TTLL1: variants seen among roughly 807,000 people sequenced by gnomAD.
TTLL1 encodes the protein TTL family tubulin polyglutamylase complex subunit L1, also known as polyglutamylase complex subunit TTLL1.
Under a neutral mutation model 47.8 loss-of-function variants are expected in TTLL1, and 33 were observed. That is an observed-to-expected ratio of 0.69 (90% CI 0.52 to 0.92). TTLL1 has a LOEUF of 0.92. TTLL1 is among the 40% of genes least tolerant of loss of function. TTLL1 has a pLI of 0.00. For synonymous variants in TTLL1, 225 were observed against 214.1 expected (o/e 1.05, Z -0.45); for missense variants, 488 against 547.5 (o/e 0.89, Z 1.08).
At chr22:43,054,608 G>C (rs1348193848) in intron 8 of TTLL1, among the ~76,000 whole-genome samples, 3 of 151,720 alleles carry the variant, frequency 2.0e-5, no homozygotes, top group African/African-American at 7.3e-5. Context: ...ATTTTTAGTA[G>C]AGATAGGATT....
chr22:43,069,675 G>A lies in TTLL1; in HGVS notation c.283C>T (p.Leu95=). 1.9e-6 allele frequency: 3 copies of A among 1,614,206 alleles called. No individual in the cohort carries two copies. Among genetic ancestry groups the A allele is most frequent in the Non-Finnish European group, 2.5e-6 (3 of 1,180,046 alleles). The change falls in exon 4 of 11, where the codon CTG becomes TTG. Residue 95 remains leucine, a synonymous_variant. Coordinates refer to ENST00000266254, the MANE Select transcript of TTLL1 (RefSeq NM_012263.5). ...RKELEKEGSP[L]AEKDENGKYL... ...TTTCCATTTTCATCTTTTTCTGCCA[G>A]AGGACTCCCTTCTTTCTCCAGCTCC...
At chr22:43,082,975 T>C (rs1049841312) in intron 1 of TTLL1, among the ~76,000 whole-genome samples, 5 of 150,526 alleles carry the variant, frequency 3.3e-5, no homozygotes, top group Admixed American at 1.3e-4. Flanking sequence ...GATCGTGCCA[T>C]TGCACTCCAG....
chr22:43,060,409 C>A (rs745918349), intron 7 of TTLL1, among the ~76,000 whole-genome samples: 1 of 152,208 alleles, frequency 6.6e-6, no homozygotes, highest in Non-Finnish European at 1.5e-5. Context: ...TGCTCCACAG[C>A]GCCCCACGGT....
intron 1 of TTLL1, among the ~76,000 whole-genome samples, chr22:43,084,081 C>A (rs1368176401): frequency 6.6e-6 from 1 of 152,158 alleles, no homozygotes; most frequent in African/African-American, 2.4e-5. Context: ...AAACTAAATC[C>A]TTATTCTCGT....
chr22:43,058,632 G>A lies in TTLL1; in HGVS notation c.891+752C>T, dbSNP rs929413208. On this transcript the variant is annotated intron_variant, in intron 8 of 10. Transcript: ENST00000266254. ...TGCAAGCTAGCCCCTTTCCCTTTCC[G>A]AAAAGACTGCAGCCTCTGGCAGATG... Among the ~76,000 whole-genome samples the A allele has an allele frequency of 1.2e-4, 18 of 152,282 alleles. No homozygotes were observed. In the East Asian group the frequency reaches 3.3e-3, roughly 28 times the overall value.
At chr22:43,044,302 G>A (rs978213782) in intron 10 of TTLL1, among the ~76,000 whole-genome samples, 6 of 152,098 alleles carry the variant, frequency 3.9e-5, no homozygotes, top group African/African-American at 7.2e-5. Context: ...TAGAGGCCCC[G>A]AGGTTGCCGG....
At chr22:43,048,963 A>G (rs1244302797) in intron 9 of TTLL1, among the ~76,000 whole-genome samples, 1 of 151,958 alleles carries the variant, frequency 6.6e-6, no homozygotes, top group Non-Finnish European at 1.5e-5. Flanking sequence ...AAAATACCCA[A>G]AACACTAGGC....
rs756711124 is a variant in TTLL1 at position 43,068,389 on chromosome 22, T to C, written c.503+21A>G. The C allele has an allele frequency of 2.7e-6, 4 of 1,461,570 alleles. No individual in the cohort carries two copies. In the African/African-American group the frequency reaches 4.2e-5, roughly 15 times the overall value. The allele number at this position is 1,461,570 out of a possible 1,614,324, so 90.5% of individuals were successfully genotyped here. ...GTGAACTGGGACCTGGCACACAAAGTGGGTGGCTGCCCACACTTACGAAGA... is the reference window on the plus strand; with the variant it reads ...GTGAACTGGGACCTGGCACACAAAGCGGGTGGCTGCCCACACTTACGAAGA... On this transcript the variant is annotated intron_variant, in intron 5 of 10. Transcript: ENST00000266254.
rs536698960 is a variant in TTLL1, at chr22:43,052,785, G to A, written c.892-898C>T. Among the ~76,000 whole-genome samples the A allele has an allele frequency of 2.6e-5, 4 of 151,774 alleles. No homozygotes were observed. The South Asian group carries it at 6.2e-4, about 24-fold the overall frequency. ...ACAAAAAAAAGAAAACTGGCTGGGC[G>A]CAGTGGCTGATGTCTGTAATCCCAG... On this transcript the variant is annotated intron_variant, in intron 8 of 10. Coordinates refer to ENST00000266254, the MANE Select transcript of TTLL1 (RefSeq NM_012263.5).
chr22:43,040,170 C>A, intron 10 of TTLL1: 1 of 354,496 alleles, frequency 2.8e-6, no homozygotes. Context: ...ACAGTGGTCT[C>A]CCCTCGGAAG....
At chr22:43,077,188 G>A (rs1928563426) in intron 2 of TTLL1, among the ~76,000 whole-genome samples, 1 of 151,914 alleles carries the variant, frequency 6.6e-6, no homozygotes, top group East Asian at 1.9e-4. Context: ...CAGACCCCTG[G>A]CCCTCACCTG....
intron 10 of TTLL1, among the ~76,000 whole-genome samples, chr22:43,044,638 CTT>C (rs1222022416): frequency 1.3e-5 from 2 of 152,220 alleles, no homozygotes; most frequent in African/African-American, 2.4e-5. Flanking sequence ...GCTTCCCTCT[CTT>C]CTCCACGCCC....
chr22:43,061,059 G>A (rs960284638), intron 7 of TTLL1, among the ~76,000 whole-genome samples: 3 of 152,010 alleles, frequency 2.0e-5, no homozygotes, highest in South Asian at 4.1e-4. Flanking sequence ...GTGTGGTGGC[G>A]TGCACCTGTA....
chr22:43,084,150 CAT>C (rs199822947), intron 1 of TTLL1, among the ~76,000 whole-genome samples: 1,712 of 152,088 alleles, frequency 0.011, 19 homozygotes, highest in Middle Eastern at 0.024. Context: ...AAACTCTAAA[CAT>C]ATTTTTTTTC....
intron 10 of TTLL1, among the ~76,000 whole-genome samples, chr22:43,045,657 A>G (rs1926065456): frequency 6.6e-6 from 1 of 152,024 alleles, no homozygotes; most frequent in Admixed American, 6.6e-5. Context: ...AAACAGTTGC[A>G]CTGAGTTCCT....
intron 10 of TTLL1, chr22:43,040,159 G>A (rs1406880400): frequency 1.7e-5 from 7 of 423,074 alleles, no homozygotes; most frequent in Non-Finnish European, 2.2e-5. Flanking sequence ...TGTTATTGTG[G>A]ACAGTGGTCT....
At chr22:43,084,509 TTTC>T (rs1037926179) in intron 1 of TTLL1, among the ~76,000 whole-genome samples, 6 of 151,568 alleles carry the variant, frequency 4.0e-5, no homozygotes, top group African/African-American at 1.2e-4. Flanking sequence ...CTAGGTTTCT[TTTC>T]TTTTTTTGAG....
intron 9 of TTLL1, among the ~76,000 whole-genome samples, chr22:43,048,557 T>C (rs112664743): frequency 0.019 from 2,913 of 151,690 alleles, 101 homozygotes; most frequent in African/African-American, 0.067. Context: ...GAAGGATCAC[T>C]TGAGCCCAGG....
intron 3 of TTLL1, among the ~76,000 whole-genome samples, chr22:43,073,922 A>G (rs1928305580): frequency 6.6e-6 from 1 of 151,450 alleles, no homozygotes; most frequent in Non-Finnish European, 1.5e-5. Flanking sequence ...CCTGGGTTCA[A>G]GCGATTCTCC....
Sources: allele counts gnomAD v4.1 joint callset (sites outside exome capture counted in the v4.1 genomes callset), GRCh38; gene constraint gnomAD v4.1.1; transcripts MANE v1.5; gene names NCBI Gene and HGNC (gene_info 2026-07-23, HGNC 2026-07-21).